Variants in ANKRD6 observed in about 807,000 individuals in gnomAD.
ANKRD6 encodes ankyrin repeat domain 6.
In ANKRD6, 56 loss-of-function variants were observed where a neutral mutation model predicts 82.3. That is an observed-to-expected ratio of 0.68 (90% CI 0.55 to 0.85). ANKRD6 has a LOEUF of 0.85. ANKRD6 is among the 40% of genes least tolerant of loss of function. The pLI is 0.00. For synonymous variants in ANKRD6, 347 were observed against 352.1 expected (o/e 0.99, Z 0.16); for missense variants, 852 against 907.6 (o/e 0.94, Z 0.79).
At chr6:89,519,006 C>G (rs1241538212) in intron 1 of ANKRD6, among the ~76,000 whole-genome samples, 5 of 152,184 alleles carry the variant, frequency 3.3e-5, no homozygotes, top group Non-Finnish European at 5.9e-5. Context: ...GCACTTACAT[C>G]TCTGATGTCT....
At chr6:89,605,919 C>G (rs745478424) in intron 4 of ANKRD6, 88 bp from the exon 5 acceptor site, 2 of 881,896 alleles carry the variant, frequency 2.3e-6, no homozygotes, top group Non-Finnish European at 3.3e-6. Context: ...GTCTGGTGTT[C>G]CGTAAAAATC....
At chr6:89,467,932 C>T (rs111392649) in intron 1 of ANKRD6, among the ~76,000 whole-genome samples, 48 of 152,312 alleles carry the variant, frequency 3.2e-4, no homozygotes, top group African/African-American at 8.7e-4. Flanking sequence ...TGTACTAGGA[C>T]TTTAAACACT....
intron 1 of ANKRD6, among the ~76,000 whole-genome samples, chr6:89,476,138 A>T (rs376319571): frequency 6.6e-6 from 1 of 152,004 alleles, no homozygotes; most frequent in African/African-American, 2.4e-5. Flanking sequence ...ATATTTTACC[A>T]GTTATAATTA....
intron 1 of ANKRD6, among the ~76,000 whole-genome samples, chr6:89,449,818 C>T (rs1035154934): frequency 2.0e-5 from 3 of 151,956 alleles, no homozygotes; most frequent in East Asian, 1.9e-4. Flanking sequence ...TTCTAACTCC[C>T]GAAAAAATTT....
At chr6:89,537,873 A>G (rs1784019609) in intron 1 of ANKRD6, among the ~76,000 whole-genome samples, 1 of 117,830 alleles carries the variant, frequency 8.5e-6, no homozygotes, top group African/African-American at 3.4e-5. Flanking sequence ...GAGTGAGACA[A>G]TGTCTCAAAA....
chr6:89,623,234 G>A (rs531647883), intron 10 of ANKRD6, among the ~76,000 whole-genome samples, 176 bp from the exon 11 acceptor site: 23 of 152,150 alleles, frequency 1.5e-4, no homozygotes, highest in South Asian at 4.2e-4. Flanking sequence ...CCAGGAAAAC[G>A]TTCTATGTTA....
intron 2 of ANKRD6, 58 bp from the exon 3 acceptor site, chr6:89,595,858 C>T: frequency 2.8e-6 from 4 of 1,418,188 alleles, no homozygotes; most frequent in Admixed American, 2.0e-5. Context: ...CCCTCTGTCT[C>T]CCAAGGGAGT....
chr6:89,453,153 G>A (rs1168419752), intron 1 of ANKRD6, among the ~76,000 whole-genome samples: 2 of 152,220 alleles, frequency 1.3e-5, no homozygotes, highest in East Asian at 1.9e-4. Context: ...AACTACAGGC[G>A]GTTCTTGCTT....
intron 2 of ANKRD6, among the ~76,000 whole-genome samples, chr6:89,567,671 G>A (rs1381583501): frequency 2.0e-5 from 3 of 152,340 alleles, no homozygotes; most frequent in Admixed American, 2.0e-4. Flanking sequence ...GCCAAGAAAA[G>A]GCAGGCTCCG....
intron 1 of ANKRD6, among the ~76,000 whole-genome samples, chr6:89,464,045 A>G (rs1324980858): frequency 1.3e-5 from 2 of 152,318 alleles, no homozygotes; most frequent in Admixed American, 6.5e-5. Context: ...GTGTAAGGCC[A>G]CAGCCCTTCA....
At chr6:89,463,611 C>T (rs1159466999) in intron 1 of ANKRD6, among the ~76,000 whole-genome samples, 1 of 152,250 alleles carries the variant, frequency 6.6e-6, no homozygotes, top group African/African-American at 2.4e-5. Flanking sequence ...TGCTATGGTG[C>T]GATCTTGGCC....
At chr6:89,449,025 G>C (rs1415823537) in intron 1 of ANKRD6, among the ~76,000 whole-genome samples, 6 of 118,342 alleles carry the variant, frequency 5.1e-5, no homozygotes, top group Non-Finnish European at 9.7e-5. Context: ...GCGAGACTCC[G>C]TCTCAAAAAA....
At chr6:89,539,101 G>A (rs1335687144) in intron 1 of ANKRD6, among the ~76,000 whole-genome samples, 1 of 152,082 alleles carries the variant, frequency 6.6e-6, no homozygotes, top group East Asian at 1.9e-4. Flanking sequence ...TTCTTTCATT[G>A]AAAGATAATT....
At chr6:89,499,136 G>A (rs1320822413) in intron 1 of ANKRD6, among the ~76,000 whole-genome samples, 1 of 152,170 alleles carries the variant, frequency 6.6e-6, no homozygotes, top group Non-Finnish European at 1.5e-5. Context: ...CCTTCTTCCT[G>A]TCTGGACCTG....
At chr6:89,545,144 C>T (rs184170594) in intron 1 of ANKRD6, among the ~76,000 whole-genome samples, 4 of 142,818 alleles carry the variant, frequency 2.8e-5, no homozygotes, top group South Asian at 4.6e-4. Flanking sequence ...ACCTGGGAGG[C>T]GGAGCTTGCA....
intron 1 of ANKRD6, among the ~76,000 whole-genome samples, chr6:89,457,500 A>G (rs73752760): frequency 9.4e-4 from 143 of 152,346 alleles, no homozygotes; most frequent in African/African-American, 3.3e-3. Context: ...ATGAGGTAAT[A>G]TTTTTAAGAG....
intron 1 of ANKRD6, among the ~76,000 whole-genome samples, chr6:89,447,958 A>T (rs1772316124): frequency 6.7e-6 from 1 of 148,502 alleles, no homozygotes; most frequent in Non-Finnish European, 1.5e-5. Flanking sequence ...GAGTGCTGGG[A>T]TTACAGGCGT....
chr6:89,482,657 TC>T (rs1384574360), intron 1 of ANKRD6, among the ~76,000 whole-genome samples: 1 of 152,072 alleles, frequency 6.6e-6, no homozygotes, highest in East Asian at 1.9e-4. Flanking sequence ...TTGGAAATTC[TC>T]CCCACCTTGT....
chr6:89,441,723 C>G (rs1771421284), intron 1 of ANKRD6, among the ~76,000 whole-genome samples: 1 of 148,420 alleles, frequency 6.7e-6, no homozygotes, highest in African/African-American at 2.5e-5. Context: ...ACCTCCGCCT[C>G]CTGGGTTTTA....
Sources: allele counts gnomAD v4.1 joint callset (sites outside exome capture counted in the v4.1 genomes callset), GRCh38; gene constraint gnomAD v4.1.1; transcripts MANE v1.5; gene names NCBI Gene and HGNC (gene_info 2026-07-23, HGNC 2026-07-21).